TAFA4: variants seen among roughly 807,000 people sequenced by gnomAD.
TAFA4 encodes chemokine-like protein TAFA-4.
TAFA4 carries 20 observed loss-of-function variants against 21.1 expected under a neutral mutation model. The observed-to-expected ratio is 0.95, with a 90% CI of 0.67 to 1.38. The LOEUF (loss-of-function observed/expected upper bound fraction) is 1.38, where lower values mean the gene tolerates loss of function less well. Among genes scored for constraint, TAFA4 ranks in the 40% most tolerant of loss-of-function variants. The pLI is 0.00. For missense variants in TAFA4, 211 were observed against 180.9 expected (o/e 1.17, Z -0.95); for synonymous variants, 71 against 67.4 (o/e 1.05, Z -0.26).
intron 1 of TAFA4, among the ~76,000 whole-genome samples, chr3:68,906,523 A>G (rs1341507338): frequency 6.6e-6 from 1 of 152,154 alleles, no homozygotes. Context: ...AAAGGTTAAT[A>G]ATTTGGGAAA....
At chr3:68,756,054 T>C (rs1303266168) in intron 3 of TAFA4, among the ~76,000 whole-genome samples, 4 of 152,064 alleles carry the variant, frequency 2.6e-5, no homozygotes, top group African/African-American at 9.7e-5. Context: ...ATAACTACAC[T>C]CTCATGGGAA....
At chr3:68,758,493 G>T (rs1050358814) in intron 3 of TAFA4, among the ~76,000 whole-genome samples, 1 of 152,164 alleles carries the variant, frequency 6.6e-6, no homozygotes, top group Non-Finnish European at 1.5e-5. Context: ...CTGCTGCCAC[G>T]TTAAGACGTG....
chr3:68,826,186 G>A (rs1265192128), intron 3 of TAFA4, among the ~76,000 whole-genome samples: 1 of 152,182 alleles, frequency 6.6e-6, no homozygotes, highest in Admixed American at 6.5e-5. Context: ...CAGTCGGAAG[G>A]CCCAGATTTG....
At chr3:68,843,898 G>C (rs1401695197) in intron 3 of TAFA4, among the ~76,000 whole-genome samples, 1 of 152,226 alleles carries the variant, frequency 6.6e-6, no homozygotes, top group Non-Finnish European at 1.5e-5. Context: ...GCTTTTTGAT[G>C]TGCTGCTGGA....
At chr3:68,751,245 T>G (rs1702552875) in intron 4 of TAFA4, among the ~76,000 whole-genome samples, 1 of 152,194 alleles carries the variant, frequency 6.6e-6, no homozygotes, top group African/African-American at 2.4e-5. Context: ...CTCCTGGAGT[T>G]TATCTTAAAG....
intron 1 of TAFA4, among the ~76,000 whole-genome samples, chr3:68,909,742 T>G (rs918484755): frequency 6.6e-5 from 10 of 152,264 alleles, no homozygotes; most frequent in South Asian, 4.1e-4. Flanking sequence ...CTGTGTTACT[T>G]ATCTAATGCT....
chr3:68,765,225 A>G (rs1254997898), intron 3 of TAFA4, among the ~76,000 whole-genome samples: 1 of 152,224 alleles, frequency 6.6e-6, no homozygotes, highest in African/African-American at 2.4e-5. Context: ...TTGTTCTTCT[A>G]CTAAATTTGT....
chr3:68,896,202 C>T (rs2089787785), intron 1 of TAFA4, among the ~76,000 whole-genome samples: 1 of 152,088 alleles, frequency 6.6e-6, no homozygotes, highest in Non-Finnish European at 1.5e-5. Context: ...GCTTGTAGGC[C>T]ATAGTGTGCT....
chr3:68,890,849 G>A (rs1575660228), intron 1 of TAFA4, among the ~76,000 whole-genome samples: 1 of 152,208 alleles, frequency 6.6e-6, no homozygotes, highest in African/African-American at 2.4e-5. Flanking sequence ...GGCTGAATTT[G>A]TGTAGACAAT....
intron 3 of TAFA4, among the ~76,000 whole-genome samples, chr3:68,831,326 C>T (rs929860748): frequency 6.6e-6 from 1 of 151,944 alleles, no homozygotes; most frequent in Non-Finnish European, 1.5e-5. Context: ...TGGCTGGTAC[C>T]GTTGTCCCTT....
intron 3 of TAFA4, among the ~76,000 whole-genome samples, chr3:68,775,328 T>C (rs1703030071): frequency 1.3e-5 from 2 of 152,122 alleles, no homozygotes; most frequent in Non-Finnish European, 2.9e-5. Context: ...AAGCTGTCAC[T>C]GTGAAATAGG....
At chr3:68,849,904 AT>A (rs1172112195) in intron 3 of TAFA4, among the ~76,000 whole-genome samples, 10 of 152,078 alleles carry the variant, frequency 6.6e-5, no homozygotes, top group South Asian at 2.1e-4. Flanking sequence ...CCTTCGAAGG[AT>A]TTTTTTTCTT....
intron 1 of TAFA4, among the ~76,000 whole-genome samples, chr3:68,899,098 T>C (rs545186806): frequency 1.2e-4 from 18 of 152,326 alleles, no homozygotes; most frequent in African/African-American, 4.3e-4. Context: ...ATACATCACA[T>C]AAATTTCAGC....
At chr3:68,931,970 C>T (rs561405661) in intron 1 of TAFA4, among the ~76,000 whole-genome samples, 1 of 152,192 alleles carries the variant, frequency 6.6e-6, no homozygotes, top group Non-Finnish European at 1.5e-5. Context: ...CAGACATGAA[C>T]CCCGAAACTG....
At chr3:68,829,779 G>A (rs1443413521) in intron 3 of TAFA4, among the ~76,000 whole-genome samples, 1 of 152,126 alleles carries the variant, frequency 6.6e-6, no homozygotes, top group Non-Finnish European at 1.5e-5. Flanking sequence ...GGTCATCTTT[G>A]TACCTCTGGT....
chr3:68,779,630 T>A (rs1410469899), intron 3 of TAFA4, among the ~76,000 whole-genome samples: 1 of 152,160 alleles, frequency 6.6e-6, no homozygotes, highest in African/African-American at 2.4e-5. Flanking sequence ...AGCTTCCACA[T>A]GATGTTGAGC....
Position 68,752,936 on chromosome 3 carries a change from T to C in TAFA4, c.213A>G (p.Ser71=). ...CCNKNRIEER[S]QTVKCSCFPG... ...GGAAGCAAGAGCACTTGACCGTTTGTGACCGCTCTTCTATGCGGTTCTTAT... is the reference window on the plus strand; with the variant it reads ...GGAAGCAAGAGCACTTGACCGTTTGCGACCGCTCTTCTATGCGGTTCTTAT... Residue 71 remains serine, a synonymous_variant, in exon 4 of 6, where the codon TCA becomes TCG. Transcript: ENST00000295569. 6.2e-7 allele frequency: 1 copy of C among 1,614,124 alleles called. No individual in the cohort carries two copies. The highest frequency in any genetic ancestry group is 8.5e-7 in the Non-Finnish European group (1 of 1,180,022).
chr3:68,776,516 A>G (rs1470113714), intron 3 of TAFA4, among the ~76,000 whole-genome samples: 1 of 152,232 alleles, frequency 6.6e-6, no homozygotes, highest in Non-Finnish European at 1.5e-5. Flanking sequence ...ATGTGAAACA[A>G]AAGTGTTGGA....
intron 3 of TAFA4, among the ~76,000 whole-genome samples, chr3:68,775,012 C>A (rs149216038): frequency 6.6e-6 from 1 of 152,114 alleles, no homozygotes; most frequent in East Asian, 1.9e-4. Context: ...ATCTTTAGAC[C>A]CTCAGAAAGT....
Sources: allele counts gnomAD v4.1 joint callset (sites outside exome capture counted in the v4.1 genomes callset), GRCh38; gene constraint gnomAD v4.1.1; transcripts MANE v1.5; gene names NCBI Gene and HGNC (gene_info 2026-07-23, HGNC 2026-07-21).